PRRC2B: variants seen among roughly 807,000 people sequenced by gnomAD.
PRRC2B encodes protein PRRC2B.
PRRC2B carries 68 observed loss-of-function variants against 242.3 expected under a neutral mutation model. The observed-to-expected ratio is 0.28, with a 90% CI of 0.23 to 0.34. The LOEUF is 0.34. Ranked by LOEUF, PRRC2B falls within the 10% of genes least tolerant of loss-of-function variation. The probability of loss-of-function intolerance (pLI) is 1.00; values close to 1 mark genes in which losing one functional copy is unlikely to be tolerated. For synonymous variants in PRRC2B, 1,228 were observed against 1,173.6 expected (o/e 1.05, Z -0.95); for missense variants, 2,835 against 2,954.8 (o/e 0.96, Z 0.94).
Position 131,476,386 on chromosome 9 carries a change from G to A in PRRC2B, c.4257G>A (p.Arg1419=). The A allele has an allele frequency of 1.2e-6, 2 of 1,604,890 alleles. No homozygotes were observed. The highest frequency in any genetic ancestry group is 8.5e-7 in the Non-Finnish European group (1 of 1,175,656). Residue 1419 remains arginine (R), a synonymous_variant, in exon 16 of 32, where the codon AGG becomes AGA. Coordinates refer to ENST00000683519, the MANE Select transcript of PRRC2B (RefSeq NM_013318.4). ...GTGAGAAGAAGGAGCTGGCCAAGAG[G>A]AGCTTCTCCAGTCAGAGACCCGTGG... The part of the protein sequence containing the change: ...SLGEKKELAK[R]SFSSQRPVVD...
intron 16 of PRRC2B, among the ~76,000 whole-genome samples, chr9:131,476,917 C>G (rs972035934): frequency 6.6e-6 from 1 of 152,180 alleles, no homozygotes; most frequent in African/African-American, 2.4e-5. Flanking sequence ...AGGCGGCGTC[C>G]TAGGGGGCAT....
rs1944408701 is a variant in PRRC2B at position 131,499,316 on chromosome 9, C to T, written c.*3442C>T. On this transcript the variant is annotated 3_prime_UTR_variant, in exon 32 of 32. Coordinates refer to ENST00000683519, the MANE Select transcript of PRRC2B (RefSeq NM_013318.4). The stretch of plus-strand genomic sequence containing the variant: ...CATGGCAGCTCTGGTGGAGCCTTCT[C>T]CCTTGCCATTTGGTTCCCCTGTGCC... 6.6e-6 allele frequency: 1 copy of T among 152,250 alleles called. No individual in the cohort carries two copies. Among genetic ancestry groups the T allele is most frequent in the African/African-American group, 2.4e-5 (1 of 41,458 alleles). 9.4% of individuals were successfully genotyped at this position (152,250 alleles called of 1,614,324 possible).
Position 131,467,473 on chromosome 9 carries a change from C to G in PRRC2B, c.1721-90C>G, listed in dbSNP as rs533687739. The G allele has an allele frequency of 4.8e-5, 56 of 1,172,406 alleles. No individual in the cohort carries two copies. In the South Asian group the frequency reaches 7.4e-4, roughly 16 times the overall value. 72.6% of individuals were successfully genotyped at this position (1,172,406 alleles called of 1,614,324 possible). A position where few individuals can be genotyped will look rare whatever the true frequency, so the allele number is the denominator to read the frequency against. Reference sequence around the variant, plus strand: ...CTGTTCTAGCAGTGGAGCGTACGGGCCAACAGGAAGAAGTACTTGTTTGTA... The same window carrying G: ...CTGTTCTAGCAGTGGAGCGTACGGGGCAACAGGAAGAAGTACTTGTTTGTA... On this transcript the variant is annotated intron_variant, in intron 12 of 31. Transcript: ENST00000683519.
chr9:131,407,666 C>G (rs1165090344), intron 1 of PRRC2B, among the ~76,000 whole-genome samples: 3 of 152,124 alleles, frequency 2.0e-5, no homozygotes, highest in African/African-American at 7.2e-5. Context: ...CCTTTTAGCT[C>G]CCACTTCAGT....
At chr9:131,461,238 T>C (rs1219871129) in intron 11 of PRRC2B, among the ~76,000 whole-genome samples, 2 of 152,208 alleles carry the variant, frequency 1.3e-5, no homozygotes, top group Admixed American at 1.3e-4. Flanking sequence ...TCAGATGTCA[T>C]TGTCCCCACT....
At chr9:131,389,109 T>C (rs1211116220), upstream of PRRC2B, among the ~76,000 whole-genome samples, 1 of 148,988 alleles carries the variant, frequency 6.7e-6, no homozygotes, top group Non-Finnish European at 1.5e-5. Context: ...CCCAAAGTGC[T>C]GGGATTACAG....
At chr9:131,490,358 C>G (rs905365935) in intron 28 of PRRC2B, 4 of 483,434 alleles carry the variant, frequency 8.3e-6, no homozygotes, top group Non-Finnish European at 1.2e-5. Flanking sequence ...TACCTGGCCT[C>G]CCTGCAAGTC....
At chr9:131,409,210 T>TG (rs1353149145) in intron 1 of PRRC2B, among the ~76,000 whole-genome samples, 1 of 150,454 alleles carries the variant, frequency 6.6e-6, no homozygotes, top group African/African-American at 2.4e-5. Flanking sequence ...TTAATAGAGA[T>TG]GGGGTTTCTC....
chr9:131,489,080 C>T (rs1382346335), intron 28 of PRRC2B, among the ~76,000 whole-genome samples: 1 of 152,146 alleles, frequency 6.6e-6, no homozygotes, highest in Admixed American at 6.5e-5. Flanking sequence ...CTTGGCTGCT[C>T]CCAGTAGCTG....
intron 12 of PRRC2B, 31 bp from the exon 13 acceptor site, chr9:131,467,532 T>G (rs571103285): frequency 6.5e-7 from 1 of 1,536,062 alleles, no homozygotes. Context: ...GTGAGCTCAC[T>G]GTGTCATTTC....
chr9:131,487,955 G>A lies in PRRC2B; in HGVS notation c.6084G>A (p.Met2028Ile), dbSNP rs1406997273. 1.2e-6 allele frequency: 2 copies of A among 1,613,250 alleles called. No homozygotes were observed. The highest frequency in any genetic ancestry group is 2.2e-5 in the South Asian group (2 of 90,916). Reference sequence around the variant, plus strand: ...CTCCATACTCGGCGTTCCCAGGCATGCAGCCCTTGGAGATGGTGAAGCCGC... The same window carrying A: ...CTCCATACTCGGCGTTCCCAGGCATACAGCCCTTGGAGATGGTGAAGCCGC... ...LKPPYSAFPGMQPLEMVKPQS... is the reference protein window; with the variant it reads ...LKPPYSAFPGIQPLEMVKPQS... Residue 2028 changes from methionine (M) to isoleucine (I), a missense_variant, in exon 28 of 32, where the codon ATG (methionine) becomes ATA (isoleucine). Transcript: ENST00000683519. This position sits in a 1 kb window ranked among gnomAD's most constrained non-coding sequence, Gnocchi z 5.3.
Position 131,475,443 on chromosome 9 carries a change from G to A in PRRC2B, c.3314G>A (p.Arg1105His), listed in dbSNP as rs759098038. Residue 1105 changes from arginine to histidine, a missense_variant, in exon 16 of 32, where the codon CGC becomes CAC. Coordinates refer to ENST00000683519, the MANE Select transcript of PRRC2B (RefSeq NM_013318.4). ...CGCAGCATCTACTGCAGCAGTCAGC[G>A]CAGCGGCCGTGGCCGGGGCCTGCGA... is the stretch of plus-strand genomic sequence containing the variant. ...GARSIYCSSQRSGRGRGLREF... is the reference protein window; with the variant it reads ...GARSIYCSSQHSGRGRGLREF... 7 of 1,581,560 alleles carry A rather than the reference G, an allele frequency of 4.4e-6. No homozygotes were observed. The highest frequency in any genetic ancestry group is 1.8e-5 in the Admixed American group (1 of 55,534).
chr9:131,461,375 G>A lies in PRRC2B; in HGVS notation c.1404+2019G>A, dbSNP rs117992369. ...CCCCTTGCCTGGGCTCTAACCATTTGGAGTGCAGTCAGCCGCCAGGACTCC... is the reference window on the plus strand; with the variant it reads ...CCCCTTGCCTGGGCTCTAACCATTTAGAGTGCAGTCAGCCGCCAGGACTCC... On this transcript the variant is annotated intron_variant, in intron 11 of 31. Coordinates refer to ENST00000683519, the MANE Select transcript of PRRC2B (RefSeq NM_013318.4). 2.3e-3 allele frequency among the ~76,000 whole-genome samples: 348 copies of A among 152,198 alleles called. 12 individuals carry two copies. The East Asian group carries it at 0.061, about 27-fold the overall frequency.
intron 9 of PRRC2B, 59 bp from the exon 10 acceptor site, chr9:131,455,017 C>T (rs767449486): frequency 1.4e-4 from 193 of 1,356,724 alleles, no homozygotes; most frequent in Middle Eastern, 3.8e-4. Flanking sequence ...CCACCACGTC[C>T]GGCCACCACT....
chr9:131,494,931 G>A lies in PRRC2B; in HGVS notation c.6555+445G>A, dbSNP rs764617087. Among the ~76,000 whole-genome samples, 1 of 152,166 alleles carries A rather than the reference G, an allele frequency of 6.6e-6. No homozygotes were observed. The highest frequency in any genetic ancestry group is 1.5e-5 in the Non-Finnish European group (1 of 68,038). ...CCCATTTTATAATGAAAAGGACATC[G>A]CAGTGTCTTTTCCTGCACGCACTAT... On this transcript the variant is annotated intron_variant, in intron 31 of 31. Transcript: ENST00000683519. The surrounding 1 kb of genome is among the most constrained non-coding windows in gnomAD (Gnocchi z 4.3).
intron 1 of PRRC2B, among the ~76,000 whole-genome samples, chr9:131,375,381 A>C (rs1836671164): frequency 6.6e-6 from 1 of 152,160 alleles, no homozygotes. Flanking sequence ...CCTGGGTGAC[A>C]GAGCAAGACT....
chr9:131,385,500 C>T (rs1836814788), intron 1 of PRRC2B, among the ~76,000 whole-genome samples: 1 of 150,434 alleles, frequency 6.6e-6, no homozygotes, highest in Admixed American at 6.9e-5. Context: ...ACTTCCCAGA[C>T]TGGCACTGCT....
chr9:131,481,768 C>G lies in PRRC2B; in HGVS notation c.4943C>G (p.Ala1648Gly), dbSNP rs1943876711. 1 of 1,565,810 alleles carries G rather than the reference C, an allele frequency of 6.4e-7. No homozygotes were observed. Among genetic ancestry groups the G allele is most frequent in the Non-Finnish European group, 8.6e-7 (1 of 1,156,480 alleles). Residue 1648 changes from alanine to glycine, a missense_variant, in exon 20 of 32, where the codon GCT becomes GGT. Physicochemically the swap from Ala to Gly is moderately conservative, Grantham distance 60. Around this residue, in one of 7 missense-constraint regions of PRRC2B, gnomAD observed 38 missense variants for 73.3 expected, o/e 0.52. Transcript: ENST00000683519. ...CCAGCCAACGACTCCTGGAGGAAAG[C>G]TGTCACTGCCTTCAGCAGCACCGAG... ...QAPANDSWRKAVTAFSSTETG... is the reference protein window; with the variant it reads ...QAPANDSWRKGVTAFSSTETG...
intron 1 of PRRC2B, among the ~76,000 whole-genome samples, chr9:131,420,505 T>TCTTTCTTTC (rs1472671577): frequency 2.7e-4 from 10 of 37,058 alleles, no homozygotes; most frequent in East Asian, 1.0e-3. Context: ...TTTTTTTTTT[T>TCTTTCTTTC]TTTTTGAGAT....
Sources: allele counts gnomAD v4.1 joint callset (sites outside exome capture counted in the v4.1 genomes callset), GRCh38; gene constraint gnomAD v4.1.1; regional missense constraint gnomAD v4.1.1; non-coding constraint Gnocchi (gnomAD v3.1); transcripts MANE v1.5; gene names NCBI Gene and HGNC (gene_info 2026-07-23, HGNC 2026-07-21).